The following SLC35A3 variants were observed in gnomAD, a reference collection of about 807,000 sequenced individuals.
The protein encoded by SLC35A3 is UDP-N-acetylglucosamine transporter.
SLC35A3 carries 26 observed loss-of-function variants against 39.0 expected under a neutral mutation model. That is an observed-to-expected ratio of 0.67 (90% confidence interval 0.49 to 0.92). The LOEUF is 0.92. Ranked by LOEUF, SLC35A3 falls within the 40% of genes least tolerant of loss-of-function variation. SLC35A3 has a pLI of 0.00. For synonymous variants in SLC35A3, 135 were observed against 133.1 expected (o/e 1.01, Z -0.10); for missense variants, 299 against 371.6 (o/e 0.80, Z 1.61).
At chr1:99,991,424 G>A (rs1038145014) in intron 1 of SLC35A3, among the ~76,000 whole-genome samples, 1 of 152,028 alleles carries the variant, frequency 6.6e-6, no homozygotes, top group Admixed American at 6.6e-5. Flanking sequence ...GATTACAGGC[G>A]TGAGCCACCG....
At position 100,034,114 on chromosome 1, in the gene SLC35A3, A is replaced by C. The variant is rs567809544; in HGVS notation, c.*11638A>C. Reference sequence around the variant, plus strand: ...TGATGTTATCATCAAGAAGTGTGGCACCACTTGATTTTTTTCCCTTTTGGA... The same window carrying C: ...TGATGTTATCATCAAGAAGTGTGGCCCCACTTGATTTTTTTCCCTTTTGGA... On this transcript the variant is annotated 3_prime_UTR_variant, in exon 8 of 8. Transcript: ENST00000533028. 3.9e-5 allele frequency: 6 copies of C among 152,238 alleles called. No homozygotes were observed. The South Asian group carries it at 1.2e-3, about 32-fold the overall frequency. 9.4% of individuals were successfully genotyped at this position (152,238 alleles called of 1,614,324 possible).
intron 1 of SLC35A3, among the ~76,000 whole-genome samples, chr1:99,971,669 AT>A (rs1346194814): frequency 1.3e-5 from 2 of 151,770 alleles, no homozygotes; most frequent in South Asian, 2.1e-4. Context: ...CACATATCCT[AT>A]TTTTTAGCCA....
intron 1 of SLC35A3, among the ~76,000 whole-genome samples, chr1:99,986,208 G>C (rs1344103999): frequency 7.0e-6 from 1 of 143,034 alleles, no homozygotes; most frequent in Non-Finnish European, 1.5e-5. Context: ...TCTGTTGCTC[G>C]GGCTGGAGTG....
intron 2 of SLC35A3, among the ~76,000 whole-genome samples, chr1:99,996,466 C>G (rs948305825): frequency 5.9e-5 from 9 of 152,166 alleles, no homozygotes; most frequent in African/African-American, 2.2e-4. Flanking sequence ...CTCAACTTCA[C>G]TAGCAATCAA....
chr1:99,999,400 T>G lies in SLC35A3; in HGVS notation c.327T>G (p.Asp109Glu). 6.3e-7 allele frequency: 1 copy of G among 1,584,116 alleles called. No homozygotes were observed. The highest frequency in any genetic ancestry group is 1.2e-5 in the South Asian group (1 of 84,258). ...NLLYVALSNL[D>E]AATYQVTYQL... ...TGTATGTGGCACTATCAAATCTAGA[T>G]GCAGCTACTTATCAGGTACTTAAAA... Residue 109 changes from aspartate (D) to glutamate (E), a missense_variant, in exon 3 of 8, where the codon GAT becomes GAG. Physicochemically the swap from Asp to Glu is conservative, Grantham distance 45. Transcript: ENST00000533028.
chr1:99,971,483 A>G (rs1656810064), intron 1 of SLC35A3, among the ~76,000 whole-genome samples: 1 of 151,712 alleles, frequency 6.6e-6, no homozygotes, highest in Non-Finnish European at 1.5e-5. Flanking sequence ...ATTTTTTTGT[A>G]TTTTTAATAG....
rs1199734991 is a variant in SLC35A3 at position 99,993,657 on chromosome 1, C to A, written c.103C>A (p.Pro35Thr). 6 of 1,613,908 alleles carry A rather than the reference C, an allele frequency of 3.7e-6. No individual in the cohort carries two copies. Among genetic ancestry groups the A allele is most frequent in the Non-Finnish European group, 5.1e-6 (6 of 1,179,930 alleles). ...RYSRTLKEEG[P>T]RYLSSTAVVV... ...TTCCAGAACTTTAAAAGAAGAAGGA[C>A]CTCGTTATCTATCTTCTACAGCAGT... Residue 35 changes from proline to threonine, a missense_variant, in exon 2 of 8, where the codon CCT becomes ACT. Physicochemically the swap from Pro to Thr is conservative, Grantham distance 38. Transcript: ENST00000533028.
Position 100,017,668 on chromosome 1 carries a change from T to C in SLC35A3, c.754-14T>C. 1 of 1,488,240 alleles carries C rather than the reference T, an allele frequency of 6.7e-7. No homozygotes were observed. The allele number at this position is 1,488,240 out of a possible 1,614,324, so 92.2% of individuals were successfully genotyped here. A position where few individuals can be genotyped will look rare whatever the true frequency, so the allele number is the denominator to read the frequency against. On this transcript the variant is annotated splice_polypyrimidine_tract_variant and intron_variant, in intron 6 of 7. Coordinates refer to ENST00000533028, the MANE Select transcript of SLC35A3 (RefSeq NM_012243.3). The stretch of plus-strand genomic sequence containing the variant: ...TACATGTGTGTTTTAAAAAATATTT[T>C]TTTAAAACTTCAGGCACTTGGAGGC...
intron 5 of SLC35A3, among the ~76,000 whole-genome samples, chr1:100,013,010 A>G (rs1195700429): frequency 6.6e-6 from 1 of 152,220 alleles, no homozygotes; most frequent in Non-Finnish European, 1.5e-5. Flanking sequence ...GTGAGTTAAC[A>G]TACATGAAGC....
intron 3 of SLC35A3, 39 bp from the exon 4 acceptor site, chr1:100,006,995 A>G (rs1659278663): frequency 1.3e-6 from 2 of 1,557,828 alleles, no homozygotes; most frequent in African/African-American, 2.8e-5. Flanking sequence ...AAACAAACAA[A>G]CAAACGAACA....
rs1661005910 is a variant in SLC35A3, at chr1:100,027,941, C to CTTCT, written c.*5467_*5468insCTTT. 4 of 109,718 alleles carry CTTCT rather than the reference C, an allele frequency of 3.6e-5. No homozygotes were observed. The highest frequency in any genetic ancestry group is 1.2e-4 in the African/African-American group (3 of 24,428). The allele number at this position is 109,718 out of a possible 1,614,324, so 6.8% of individuals were successfully genotyped here. A position where few individuals can be genotyped will look rare whatever the true frequency, so the allele number is the denominator to read the frequency against. On this transcript the variant is annotated 3_prime_UTR_variant, in exon 8 of 8. Coordinates refer to ENST00000533028, the MANE Select transcript of SLC35A3 (RefSeq NM_012243.3). ...ATCTGAATCTTATAGATAATACTAC[C>CTTCT]TTTTTTTTTTTTTTTTTTTTTTTTT... is the stretch of plus-strand genomic sequence containing the variant.
At chr1:100,004,693 A>AT (rs1204741784) in intron 3 of SLC35A3, among the ~76,000 whole-genome samples, 6 of 151,586 alleles carry the variant, frequency 4.0e-5, no homozygotes, top group African/African-American at 1.2e-4. Context: ...TTATTTACCT[A>AT]TTTTTTAATT....
At chr1:100,016,062 TA>T (rs1433515294) in intron 6 of SLC35A3, among the ~76,000 whole-genome samples, 2 of 146,464 alleles carry the variant, frequency 1.4e-5, no homozygotes, top group Non-Finnish European at 3.0e-5. Flanking sequence ...AGGATACTTC[TA>T]TTTTTTTTTT....
intron 3 of SLC35A3, among the ~76,000 whole-genome samples, chr1:100,001,921 A>T (rs868105938): frequency 7.6e-4 from 116 of 152,326 alleles, no homozygotes; most frequent in Middle Eastern, 3.4e-3. Context: ...TTGCATATAT[A>T]TTAAACCATC....
chr1:100,017,682 G>A lies in SLC35A3; in HGVS notation c.754G>A (p.Ala252Thr), dbSNP rs1660253765. The A allele has an allele frequency of 1.3e-6, 2 of 1,527,396 alleles. No homozygotes were observed. The highest frequency in any genetic ancestry group is 8.8e-7 in the Non-Finnish European group (1 of 1,137,596). The allele number at this position is 1,527,396 out of a possible 1,614,324, so 94.6% of individuals were successfully genotyped here. ...RLTWIVVVLQALGGLVIAAVI... is the reference protein window; with the variant it reads ...RLTWIVVVLQTLGGLVIAAVI... ...AAAAAATATTTTTTTAAAACTTCAG[G>A]CACTTGGAGGCCTTGTAATAGCTGC... Residue 252 changes from alanine (A) to threonine (T), a missense_variant and splice_region_variant, in exon 7 of 8, where the codon GCA (alanine) becomes ACA (threonine). Physicochemically the swap from Ala to Thr is moderately conservative, Grantham distance 58 (BLOSUM62 0). Transcript: ENST00000533028.
At chr1:99,972,152 C>T (rs1557815720) in intron 1 of SLC35A3, among the ~76,000 whole-genome samples, 1 of 151,814 alleles carries the variant, frequency 6.6e-6, no homozygotes, top group Non-Finnish European at 1.5e-5. Flanking sequence ...CCACCTGCCT[C>T]GACATCCCAA....
intron 1 of SLC35A3, among the ~76,000 whole-genome samples, chr1:99,979,230 A>G (rs1657298322): frequency 6.6e-6 from 1 of 152,146 alleles, no homozygotes; most frequent in African/African-American, 2.4e-5. Flanking sequence ...GTTGAAATCT[A>G]ATTGTCAGCA....
chr1:100,025,371 A>G lies in SLC35A3; in HGVS notation c.*2895A>G, dbSNP rs1660853530. On this transcript the variant is annotated 3_prime_UTR_variant, in exon 8 of 8. Coordinates refer to ENST00000533028, the MANE Select transcript of SLC35A3 (RefSeq NM_012243.3). ...ATAATTTTAAAAAATTATACAAGCAAATTAGATATTAGACATGTTAGTTAC... is the reference window on the plus strand; with the variant it reads ...ATAATTTTAAAAAATTATACAAGCAGATTAGATATTAGACATGTTAGTTAC... The G allele has an allele frequency of 6.6e-6, 1 of 152,180 alleles. No individual in the cohort carries two copies. Among genetic ancestry groups the G allele is most frequent in the African/African-American group, 2.4e-5 (1 of 41,436 alleles). The allele number at this position is 152,180 out of a possible 1,614,324, so 9.4% of individuals were successfully genotyped here. A position where few individuals can be genotyped will look rare whatever the true frequency, so the allele number is the denominator to read the frequency against.
At chr1:100,006,585 G>A (rs1365626434) in intron 3 of SLC35A3, among the ~76,000 whole-genome samples, 1 of 152,140 alleles carries the variant, frequency 6.6e-6, no homozygotes, top group African/African-American at 2.4e-5. Context: ...GGAGGCATGC[G>A]TGGGCAGTAG....
Sources: gnomAD v4.1 joint callset for allele counts (sites outside exome capture counted in the v4.1 genomes callset) on GRCh38, gnomAD v4.1.1 for gene constraint, MANE v1.5 for transcripts, NCBI Gene and HGNC (gene_info 2026-07-23, HGNC 2026-07-21) for gene names.